Variants in MAGEC3 observed in about 807,000 individuals in gnomAD.
MAGEC3 encodes melanoma-associated antigen C3.
MAGEC3 carries 34 observed loss-of-function variants against 35.3 expected under a neutral mutation model. The observed-to-expected ratio is 0.96, with a 90% CI of 0.73 to 1.28. MAGEC3 has a LOEUF of 1.28. Among genes scored for constraint, MAGEC3 ranks in the 50% most tolerant of loss-of-function variants. The pLI is 0.00. For synonymous variants in MAGEC3, 202 were observed against 185.6 expected (o/e 1.09, Z -0.72); for missense variants, 561 against 483.6 (o/e 1.16, Z -1.50).
chrX:141,893,905 G>T (rs915140899), intron 4 of MAGEC3, among the ~76,000 whole-genome samples: 2 of 111,502 alleles, frequency 1.8e-5, no homozygotes. Context: ...TTAGGAAGAT[G>T]CAAACAAAAA....
chrX:141,864,972 T>TA (rs750099092), intron 1 of MAGEC3, among the ~76,000 whole-genome samples: 2 of 111,984 alleles, frequency 1.8e-5, no homozygotes, highest in African/African-American at 6.5e-5. Context: ...TGTTTTTCTG[T>TA]AAAATCTAAT....
chrX:141,881,589 G>T lies in MAGEC3; in HGVS notation c.702G>T (p.Glu234Asp), dbSNP rs1214903235. 8.3e-7 allele frequency: 1 copy of T among 1,211,238 alleles called. No homozygotes were observed. Among genetic ancestry groups the T allele is most frequent in the East Asian group, 3.0e-5 (1 of 33,802 alleles). ...MIFRKAREFI[E>D]ILFGISLTEV... The stretch of plus-strand genomic sequence containing the variant: ...TCAGGAAAGCCCGTGAGTTCATAGA[G>T]ATTCTTTTTGGCATTTCCCTGACAG... The change falls in exon 4 of 8, where the codon GAG (glutamate) becomes GAT (aspartate). Residue 234 changes from glutamate to aspartate, a missense_variant. By Grantham distance (45) the Glu-to-Asp change is conservative (BLOSUM62 2). Transcript: ENST00000298296.
chrX:141,855,062 T>G (rs1469200371), intron 1 of MAGEC3, among the ~76,000 whole-genome samples: 1 of 111,383 alleles, frequency 9.0e-6, no homozygotes, highest in Non-Finnish European at 1.9e-5. Context: ...CATCTAGATT[T>G]TGAGAGTGCT....
intron 1 of MAGEC3, among the ~76,000 whole-genome samples, chrX:141,843,629 C>G (rs2017699071): frequency 9.0e-6 from 1 of 110,719 alleles, no homozygotes; most frequent in South Asian, 3.8e-4. Flanking sequence ...ATCAGACATT[C>G]TCTTAAGAAA....
chrX:141,896,873 G>A lies in MAGEC3; in HGVS notation c.1124-9G>A, dbSNP rs775011253. ...CCCTTACCCTCTACTCTCATTCTGG[G>A]TGTTCCAGAAGATGAGGATATGCCT... On this transcript the variant is annotated splice_polypyrimidine_tract_variant and intron_variant, in intron 6 of 7. Coordinates refer to ENST00000298296, the MANE Select transcript of MAGEC3 (RefSeq NM_138702.1). 68 of 1,189,210 alleles carry A rather than the reference G, an allele frequency of 5.7e-5. No individual in the cohort carries two copies. The highest frequency in any genetic ancestry group is 7.3e-5 in the Non-Finnish European group (65 of 884,721).
chrX:141,881,368 A>G, intron 3 of MAGEC3, 35 bp from the exon 4 acceptor site: 2 of 1,168,275 alleles, frequency 1.7e-6, no homozygotes, highest in Non-Finnish European at 1.1e-6. Flanking sequence ...AGAGCCTAGC[A>G]GCCAATAAGA....
intron 1 of MAGEC3, among the ~76,000 whole-genome samples, chrX:141,851,507 T>C (rs1478154316): frequency 9.0e-6 from 1 of 110,716 alleles, no homozygotes; most frequent in African/African-American, 3.3e-5. Flanking sequence ...TTTATTTGTA[T>C]ATCATAAAAT....
At chrX:141,895,638 G>C (rs1032285297) in intron 6 of MAGEC3, 79 bp downstream of exon 6, 18 of 959,973 alleles carry the variant, frequency 1.9e-5, no homozygotes, top group Non-Finnish European at 2.4e-5. Flanking sequence ...CAGCTTCCCA[G>C]AGATTCCCAC....
In MAGEC3 at chrX:141,897,818, T is replaced by A; in HGVS notation, c.1918T>A (p.Phe640Ile). The change falls in exon 8 of 8, where the codon TTC becomes ATC. Residue 640 changes from phenylalanine (F) to isoleucine (I), a missense_variant. Physicochemically the swap from Phe to Ile is conservative, Grantham distance 21 (BLOSUM62 0). Transcript: ENST00000298296. ...SASPSVMSTN[F>I]CPE ...AAGCCCCAGTGTCATGTCCACCAAC[T>A]TCTGTCCTGAGTGATGTCTGAAGCA... 1 of 1,195,101 alleles carries A rather than the reference T, an allele frequency of 8.4e-7. No individual in the cohort carries two copies. Among genetic ancestry groups the A allele is most frequent in the Non-Finnish European group, 1.1e-6 (1 of 887,568 alleles).
intron 1 of MAGEC3, among the ~76,000 whole-genome samples, chrX:141,856,686 A>C (rs1178628494): frequency 8.9e-6 from 1 of 111,985 alleles, no homozygotes; most frequent in Non-Finnish European, 1.9e-5. Context: ...TAGATAAAGA[A>C]AATGAGGTAC....
At position 141,881,456 on chromosome X, in the gene MAGEC3, A is replaced by G; in HGVS notation, c.569A>G (p.Lys190Arg). Residue 190 changes from lysine (K) to arginine (R), a missense_variant, in exon 4 of 8, where the codon AAG (lysine) becomes AGG (arginine). Lys to Arg is a conservative substitution (Grantham distance 26). Coordinates refer to ENST00000298296, the MANE Select transcript of MAGEC3 (RefSeq NM_138702.1). ...FTYTLDEKVD[K>R]LVQFLLLKYQ... ...TATACACTGGATGAAAAGGTGGACA[A>G]GTTGGTGCAGTTTCTTCTCCTCAAA... 2 of 1,210,140 alleles carry G rather than the reference A, an allele frequency of 1.7e-6. No homozygotes were observed. Among genetic ancestry groups the G allele is most frequent in the Non-Finnish European group, 2.2e-6 (2 of 894,890 alleles).
intron 4 of MAGEC3, among the ~76,000 whole-genome samples, chrX:141,887,433 A>G (rs748342705): frequency 9.8e-5 from 11 of 112,253 alleles, no homozygotes; most frequent in Non-Finnish European, 2.1e-4. Flanking sequence ...ACTAAAATTC[A>G]GGGACCTTCT....
chrX:141,848,027 C>T (rs979272536), intron 1 of MAGEC3, among the ~76,000 whole-genome samples: 5 of 109,867 alleles, frequency 4.6e-5, no homozygotes, highest in Non-Finnish European at 7.7e-5. Context: ...AGAAACAGGA[C>T]CATCAACAGG....
chrX:141,867,740 C>T (rs1388057066), intron 2 of MAGEC3, among the ~76,000 whole-genome samples: 2 of 96,619 alleles, frequency 2.1e-5, no homozygotes, highest in South Asian at 4.9e-4. Flanking sequence ...ATATAGTCCT[C>T]CTGCAAATAG....
At position 141,876,204 on chromosome X, in the gene MAGEC3, G is replaced by GGTCA. The variant is rs1342437399; in HGVS notation, c.259-2969_259-2966dup. Among the ~76,000 whole-genome samples the GGTCA allele has an allele frequency of 8.9e-5, 10 of 111,989 alleles. No homozygotes were observed. The East Asian group carries it at 2.5e-3, about 28-fold the overall frequency. ...AAGTCAGTAAAGTATTTGTGGACCTGGTCAGGTTTCTGTCATCAACACAAC... is the reference window on the plus strand; with the variant it reads ...AAGTCAGTAAAGTATTTGTGGACCTGGTCAGTCAGGTTTCTGTCATCAACACAAC... On this transcript the variant is annotated intron_variant, in intron 2 of 7. Transcript: ENST00000298296.
chrX:141,890,640 G>C (rs1483569441), intron 4 of MAGEC3, among the ~76,000 whole-genome samples: 1 of 112,127 alleles, frequency 8.9e-6, no homozygotes, highest in Non-Finnish European at 1.9e-5. Flanking sequence ...TCACCTAGTA[G>C]GTGCAAGAAA....
In MAGEC3 at chrX:141,879,285, G is replaced by A. The variant is rs748047292; in HGVS notation, c.369G>A (p.Arg123=). The A allele has an allele frequency of 1.2e-5, 15 of 1,207,264 alleles. No homozygotes were observed. The highest frequency in any genetic ancestry group is 1.7e-5 in the Non-Finnish European group (15 of 893,297). ...GGAGGGCAGTTTCAGTTAAGCAGAGGGAGGAACCCCAGGACTGGCCACTCA... is the reference window on the plus strand; with the variant it reads ...GGAGGGCAGTTTCAGTTAAGCAGAGAGAGGAACCCCAGGACTGGCCACTCA... ...SLRRAVSVKQ[R]EEPQDWPLNE... The change falls in exon 3 of 8, where the codon AGG becomes AGA. Residue 123 remains arginine (R), a synonymous_variant. Coordinates refer to ENST00000298296, the MANE Select transcript of MAGEC3 (RefSeq NM_138702.1).
chrX:141,877,951 A>G (rs758824413), intron 2 of MAGEC3, among the ~76,000 whole-genome samples: 156 of 111,708 alleles, frequency 1.4e-3, no homozygotes, highest in African/African-American at 4.1e-3. Flanking sequence ...AACATTCTTT[A>G]TTTATTATTG....
chrX:141,867,146 A>C (rs2124102171), intron 2 of MAGEC3, among the ~76,000 whole-genome samples: 1 of 110,590 alleles, frequency 9.0e-6, no homozygotes, highest in Admixed American at 9.6e-5. Flanking sequence ...CTGTTCCATT[A>C]AAAAAAAATC....
Sources: allele counts gnomAD v4.1 joint callset (sites outside exome capture counted in the v4.1 genomes callset), GRCh38; gene constraint gnomAD v4.1.1; transcripts MANE v1.5; gene names NCBI Gene and HGNC (gene_info 2026-07-23, HGNC 2026-07-21).